Variants in DOCK7 observed in about 807,000 individuals in gnomAD.
DOCK7 encodes dedicator of cytokinesis 7, also known as dedicator of cytokinesis protein 7.
A neutral mutation model predicts 271.0 loss-of-function variants in DOCK7; 138 were observed. The observed-to-expected ratio is 0.51, with a 90% confidence interval of 0.44 to 0.59. The LOEUF is 0.59. Among genes scored for constraint, DOCK7 ranks in the 20% least tolerant of loss-of-function variants. The pLI, the probability that DOCK7 is intolerant of heterozygous loss-of-function variation, is 0.00. For missense variants in DOCK7, 2,066 were observed against 2,592.4 expected (o/e 0.80, Z 4.41); for synonymous variants, 823 against 876.1 (o/e 0.94, Z 1.07).
chr1:62,638,982 TG>T (rs1445235784), intron 7 of DOCK7, among the ~76,000 whole-genome samples: 1 of 152,134 alleles, frequency 6.6e-6, no homozygotes. Context: ...AGCATTCATT[TG>T]GCAAAATATT....
intron 34 of DOCK7, among the ~76,000 whole-genome samples, chr1:62,509,621 A>C (rs1644422704): frequency 6.6e-6 from 1 of 152,136 alleles, no homozygotes; most frequent in East Asian, 1.9e-4. Flanking sequence ...GACGGAGAAA[A>C]AGAAAGGAAA....
At chr1:62,649,979 G>A (rs1657132378) in intron 4 of DOCK7, among the ~76,000 whole-genome samples, 1 of 152,168 alleles carries the variant, frequency 6.6e-6, no homozygotes, top group South Asian at 2.1e-4. Context: ...GTCGAGCATG[G>A]TGGCTCACAC....
intron 1 of DOCK7, among the ~76,000 whole-genome samples, chr1:62,674,612 A>G (rs1660350362): frequency 6.6e-6 from 1 of 152,220 alleles, no homozygotes; most frequent in African/African-American, 2.4e-5. Context: ...ATAGACACAC[A>G]GAGCAATGAA....
chr1:62,632,609 G>A (rs1246311269), intron 10 of DOCK7, among the ~76,000 whole-genome samples: 1 of 152,178 alleles, frequency 6.6e-6, no homozygotes, highest in Non-Finnish European at 1.5e-5. Flanking sequence ...TTGTATTCTT[G>A]TAGCTAACCC....
intron 14 of DOCK7, among the ~76,000 whole-genome samples, chr1:62,595,324 C>T (rs1649068704): frequency 6.6e-6 from 1 of 152,070 alleles, no homozygotes; most frequent in Admixed American, 6.6e-5. Context: ...GTTTATGATA[C>T]ATCAGATAAT....
At position 62,510,618 on chromosome 1, in the gene DOCK7, T is replaced by C. The variant is rs1644455888; in HGVS notation, c.4338A>G (p.Lys1446=). 6.2e-7 allele frequency: 1 copy of C among 1,613,534 alleles called. No homozygotes were observed. The part of the protein sequence containing the change: ...FGSQENLRWR[K]DMTHWRQNTE... ...TGTTTTGACGCCAGTGAGTCATATCTTTCCTCCACCTCAAATTTTCTTGAC... is the reference window on the plus strand; with the variant it reads ...TGTTTTGACGCCAGTGAGTCATATCCTTCCTCCACCTCAAATTTTCTTGAC... Residue 1446 remains lysine (K), a synonymous_variant, in exon 34 of 50, where the codon AAA becomes AAG. Coordinates refer to ENST00000635253, the MANE Select transcript of DOCK7 (RefSeq NM_001367561.1).
Position 62,686,157 on chromosome 1 carries a change from C to CATTT in DOCK7, c.38+2069_38+2070insAAAT, listed in dbSNP as rs1661699881. Among the ~76,000 whole-genome samples the CATTT allele has an allele frequency of 1.7e-3, 7 of 4,204 alleles. 3 individuals are homozygous for CATTT. Among genetic ancestry groups the CATTT allele is most frequent in the African/African-American group, 1.8e-3 (7 of 3,980 alleles). The allele number at this position is 4,204 out of a possible 152,430, so 2.8% of individuals were successfully genotyped here. A position where few individuals can be genotyped will look rare whatever the true frequency, so the allele number is the denominator to read the frequency against. On this transcript the variant is annotated intron_variant, in intron 1 of 49. Coordinates refer to ENST00000635253, the MANE Select transcript of DOCK7 (RefSeq NM_001367561.1). ...ACTAGGAATACATGTCAAGTAATAA[C>CATTT]TTTTTTTTTTTTTTTTTTTTTTTTT...
chr1:62,630,213 A>C (rs1165571717), intron 11 of DOCK7, among the ~76,000 whole-genome samples: 1 of 152,172 alleles, frequency 6.6e-6, no homozygotes, highest in Non-Finnish European at 1.5e-5. Flanking sequence ...TAGGCCATAC[A>C]TGGAATCAAG....
rs377040263 is a variant in DOCK7, at chr1:62,494,247, A to G, written c.5217+28T>C. On this transcript the variant is annotated intron_variant, in intron 40 of 49. Coordinates refer to ENST00000635253, the MANE Select transcript of DOCK7 (RefSeq NM_001367561.1). ...TAAAACCAAAAAAAGATATACCTTGATTTAATGTACATCTGGAAGATTCCT... is the reference window on the plus strand; with the variant it reads ...TAAAACCAAAAAAAGATATACCTTGGTTTAATGTACATCTGGAAGATTCCT... 11 of 1,539,378 alleles carry G rather than the reference A, an allele frequency of 7.1e-6. No individual in the cohort carries two copies. The African/African-American group carries it at 1.4e-4, about 19-fold the overall frequency.
chr1:62,579,021 ATGTATT>A, intron 16 of DOCK7, 55 bp from the exon 17 acceptor site: 2 of 1,393,718 alleles, frequency 1.4e-6, no homozygotes, highest in African/African-American at 3.0e-5. Context: ...AAAATAAATA[ATGTATT>A]TGTATATTTG....
intron 1 of DOCK7, among the ~76,000 whole-genome samples, chr1:62,683,978 G>A (rs1353545029): frequency 6.6e-6 from 1 of 151,964 alleles, no homozygotes; most frequent in Non-Finnish European, 1.5e-5. Flanking sequence ...GGTGGCTTAC[G>A]CCTGTAATCC....
At chr1:62,627,556 A>G (rs1163559053) in intron 11 of DOCK7, 1 of 152,192 alleles carries the variant, frequency 6.6e-6, no homozygotes, top group Non-Finnish European at 1.5e-5. Context: ...AGAGTATAAG[A>G]TCAATATACA....
intron 15 of DOCK7, among the ~76,000 whole-genome samples, chr1:62,585,588 G>C (rs977082242): frequency 6.6e-6 from 1 of 152,042 alleles, no homozygotes; most frequent in African/African-American, 2.4e-5. Flanking sequence ...TTTTCTTCCA[G>C]TGCTCTGGTT....
rs1646407193 is a variant in DOCK7 at position 62,563,622 on chromosome 1, TC to T, written c.2113-1920del. On this transcript the variant is annotated intron_variant, in intron 18 of 49. Transcript: ENST00000635253. ...GAAAATAAAACCAAATAAATTCAAA[TC>T]CCCATTACCAAATTTCAACACTAAT... 2.0e-5 allele frequency among the ~76,000 whole-genome samples: 3 copies of T among 152,004 alleles called. No homozygotes were observed. In the South Asian group the frequency reaches 6.2e-4, roughly 32 times the overall value.
In DOCK7 at chr1:62,496,506, G is replaced by C. The variant is rs369208655; in HGVS notation, c.4765-9C>G. ...TTAACCCTGGCAAAGTTCTGTAACA[G>C]AGAAATTGTCCAGTCAATACTTAAT... is the stretch of plus-strand genomic sequence containing the variant. On this transcript the variant is annotated splice_polypyrimidine_tract_variant and intron_variant, in intron 37 of 49. Coordinates refer to ENST00000635253, the MANE Select transcript of DOCK7 (RefSeq NM_001367561.1). 11 of 1,609,102 alleles carry C rather than the reference G, an allele frequency of 6.8e-6. No individual in the cohort carries two copies. The African/African-American group carries it at 1.2e-4, about 18-fold the overall frequency.
chr1:62,665,644 GAGCCGAGATCACGTCA>G (rs1319255465), intron 1 of DOCK7, among the ~76,000 whole-genome samples: 1 of 146,908 alleles, frequency 6.8e-6, no homozygotes, highest in Non-Finnish European at 1.5e-5. Context: ...AGGTTGCGGT[GAGCCGAGATCACGTCA>G]AGCCGAGATT....
At chr1:62,597,681 A>G in intron 14 of DOCK7, 1 of 1,613,548 alleles carries the variant, frequency 6.2e-7, no homozygotes, top group Non-Finnish European at 8.5e-7. Flanking sequence ...AAGATTTGCT[A>G]TGTTAGACGA....
At position 62,528,322 on chromosome 1, in the gene DOCK7, C is replaced by CA. The variant is rs755184414; in HGVS notation, c.3782-18dup. The CA allele has an allele frequency of 4.4e-6, 7 of 1,592,794 alleles. No homozygotes were observed. The highest frequency in any genetic ancestry group is 2.3e-5 in the South Asian group (2 of 87,786). On this transcript the variant is annotated splice_polypyrimidine_tract_variant and intron_variant, in intron 30 of 49. Transcript: ENST00000635253. ...TGTGAGTTTCTAAAGAAAAATAATC[C>CA]AAAAAAATAAATAAAACTGTTTAGC...
At chr1:62,457,823 CTA>C (rs1491182815) in intron 48 of DOCK7, 118 bp from the exon 49 acceptor site, 4 of 954,040 alleles carry the variant, frequency 4.2e-6, no homozygotes, top group South Asian at 1.6e-5. Context: ...ACAACACAGA[CTA>C]TATATGTGGG....
Sources: gnomAD v4.1 joint callset for allele counts (sites outside exome capture counted in the v4.1 genomes callset) on GRCh38, gnomAD v4.1.1 for gene constraint, MANE v1.5 for transcripts, NCBI Gene and HGNC (gene_info 2026-07-23, HGNC 2026-07-21) for gene names.